SPIN2A: variants seen among roughly 807,000 people sequenced by gnomAD.
The protein encoded by SPIN2A is spindlin family member 2A, also known as spindlin-2A.
SPIN2A carries 4 observed loss-of-function variants against 9.2 expected under a neutral mutation model. The ratio of observed to expected loss-of-function variants is 0.44; its 90% CI spans 0.21 to 1.00. The LOEUF is 1.00. Among genes scored for constraint, SPIN2A ranks in the 50% least tolerant of loss-of-function variants. The pLI is 0.26. For synonymous variants in SPIN2A, 25 were observed against 61.2 expected (o/e 0.41, Z 2.76); for missense variants, 77 against 172.8 (o/e 0.45, Z 3.11).
At chrX:57,140,763 A>T (rs1329810404), upstream of SPIN2A, among the ~76,000 whole-genome samples, 5 of 111,567 alleles carry the variant, frequency 4.5e-5, no homozygotes, top group Non-Finnish European at 5.6e-5. Context: ...TCACTTATAA[A>T]CGGGAGGCAA....
chrX:57,135,535 G>A, downstream of SPIN2A: 1 of 398,562 alleles, frequency 2.5e-6, no homozygotes, highest in Non-Finnish European at 4.2e-6. Flanking sequence ...GACTGATTAT[G>A]ATTCTAGCTG....
the SPIN2A span, among the ~76,000 whole-genome samples, chrX:57,147,021 G>C: frequency 9.0e-6 from 1 of 111,194 alleles, no homozygotes; most frequent in South Asian, 3.7e-4. Flanking sequence ...TTGGTCTGTA[G>C]TTTCCTTTCT....
chrX:57,146,459 C>G, the SPIN2A span, among the ~76,000 whole-genome samples: 4 of 111,442 alleles, frequency 3.6e-5, no homozygotes, highest in Non-Finnish European at 7.6e-5. Context: ...GTTCTTGGAG[C>G]TTTTTGAAAG....
Position 57,137,358 on chromosome X carries a change from T to C in SPIN2A, c.-104A>G. 1.1e-5 allele frequency: 8 copies of C among 756,677 alleles called. No individual in the cohort carries two copies. The highest frequency in any genetic ancestry group is 1.2e-5 in the Non-Finnish European group (8 of 640,695). 62.4% of individuals were successfully genotyped at this position (756,677 alleles called of 1,213,427 possible). A position where few individuals can be genotyped will look rare whatever the true frequency, so the allele number is the denominator to read the frequency against. On this transcript the variant is annotated 5_prime_UTR_variant, in exon 1 of 2. Transcript: ENST00000374906. ...GAGCGGGGAGGGTAGGATCCATAGA[T>C]GAGGAGCGTGTGTAGGAGCGCGGCG...
the SPIN2A span, among the ~76,000 whole-genome samples, chrX:57,146,758 A>T: frequency 8.9e-6 from 1 of 111,989 alleles, no homozygotes; most frequent in South Asian, 3.7e-4. Context: ...GATTTTGCTG[A>T]GGATTTCAAT....
upstream of SPIN2A, among the ~76,000 whole-genome samples, chrX:57,142,209 A>C (rs1928022575): frequency 9.0e-6 from 1 of 110,613 alleles, no homozygotes; most frequent in Non-Finnish European, 1.9e-5. Context: ...GTTTATTTGA[A>C]GTTTTTATGC....
chrX:57,135,778 T>C lies in SPIN2A; in HGVS notation c.*43A>G, dbSNP rs764046076. ...CAACATTTTTTGCATGTCTACAAAT[T>C]ATACATTTGTTTCCACACATGTGCC... is the stretch of plus-strand genomic sequence containing the variant. On this transcript the variant is annotated 3_prime_UTR_variant, in exon 2 of 2. Transcript: ENST00000374906. The C allele has an allele frequency of 3.9e-5, 45 of 1,166,131 alleles. No individual in the cohort carries two copies. In the Admixed American group the frequency reaches 1.1e-3, roughly 28 times the overall value.
upstream of SPIN2A, among the ~76,000 whole-genome samples, chrX:57,140,275 G>A (rs1441769432): frequency 9.1e-6 from 1 of 109,368 alleles, no homozygotes; most frequent in African/African-American, 3.3e-5. Flanking sequence ...CATATTATCT[G>A]CAAATAAAGA....
At chrX:57,140,828 A>T (rs1318492279), upstream of SPIN2A, among the ~76,000 whole-genome samples, 1 of 111,512 alleles carries the variant, frequency 9.0e-6, no homozygotes, top group African/African-American at 3.3e-5. Context: ...GGATTTCCAA[A>T]AAGAGGGAGG....
At chrX:57,138,601 G>A (rs1379977154), upstream of SPIN2A, among the ~76,000 whole-genome samples, 6 of 111,021 alleles carry the variant, frequency 5.4e-5, no homozygotes, top group Non-Finnish European at 1.9e-5. Context: ...CTGGATCTTA[G>A]GGAATTTGTA....
chrX:57,140,874 C>T (rs1247500021), upstream of SPIN2A, among the ~76,000 whole-genome samples: 1 of 111,280 alleles, frequency 9.0e-6, no homozygotes, highest in Admixed American at 9.6e-5. Flanking sequence ...CTATCGAGTA[C>T]TATGTTAGCT....
chrX:57,144,571 A>G, the SPIN2A span, among the ~76,000 whole-genome samples: 6,445 of 108,653 alleles, frequency 0.059, 221 homozygotes, highest in Non-Finnish European at 0.083. Context: ...ATTTGGTTAC[A>G]TGAGTAAGTT....
upstream of SPIN2A, among the ~76,000 whole-genome samples, chrX:57,139,447 GT>G (rs1427977850): frequency 1.8e-5 from 2 of 111,310 alleles, no homozygotes; most frequent in African/African-American, 3.3e-5. Context: ...GTTACCACAG[GT>G]TTTTTGTTTG....
downstream of SPIN2A, chrX:57,135,053 C>T (rs1927642477): frequency 9.0e-6 from 1 of 111,597 alleles, no homozygotes; most frequent in Non-Finnish European, 1.9e-5. Context: ...CTTCCGATCT[C>T]TCATGGGCCC....
chrX:57,137,951 G>C (rs1927882800), upstream of SPIN2A, among the ~76,000 whole-genome samples: 1 of 111,112 alleles, frequency 9.0e-6, no homozygotes. Context: ...CCTATCCATA[G>C]ATTCTTAATT....
chrX:57,135,404 G>A (rs765460898), downstream of SPIN2A: 54 of 162,321 alleles, frequency 3.3e-4, no homozygotes, highest in Admixed American at 6.1e-4. Context: ...CTCCCTTTCT[G>A]GCCCTTTTCC....
At chrX:57,138,306 A>G, upstream of SPIN2A, among the ~76,000 whole-genome samples, 1 of 111,660 alleles carries the variant, frequency 9.0e-6, no homozygotes, top group South Asian at 3.7e-4. Context: ...TTTCAGTTAC[A>G]TGTTGTAGGA....
upstream of SPIN2A, among the ~76,000 whole-genome samples, chrX:57,142,182 A>G (rs1193041871): frequency 9.0e-6 from 1 of 111,319 alleles, no homozygotes; most frequent in African/African-American, 3.3e-5. Context: ...TACTTCTTTA[A>G]GGTGCATTTT....
chrX:57,146,215 A>T, the SPIN2A span, among the ~76,000 whole-genome samples: 4 of 110,092 alleles, frequency 3.6e-5, no homozygotes, highest in African/African-American at 1.3e-4. Context: ...ATGTATTTCC[A>T]TTTGTTTGTG....
Sources: gnomAD v4.1 joint callset for allele counts (sites outside exome capture counted in the v4.1 genomes callset) on GRCh38, gnomAD v4.1.1 for gene constraint, MANE v1.5 for transcripts, NCBI Gene and HGNC (gene_info 2026-07-23, HGNC 2026-07-21) for gene names.